Variants in HDX observed in about 807,000 individuals in gnomAD.
HDX encodes the protein highly divergent homeobox.
HDX carries 19 observed loss-of-function variants against 45.2 expected under a neutral mutation model. That is an observed-to-expected ratio of 0.42 (90% CI 0.29 to 0.62). The LOEUF is 0.62. Among genes scored for constraint, HDX ranks in the 20% least tolerant of loss-of-function variants. The pLI, the probability that HDX is intolerant of heterozygous loss-of-function variation, is 0.20. For synonymous variants in HDX, 188 were observed against 172.8 expected (o/e 1.09, Z -0.69); for missense variants, 532 against 493.9 (o/e 1.08, Z -0.73).
chrX:84,449,253 A>G (rs1319785392), intron 4 of HDX, among the ~76,000 whole-genome samples: 1 of 111,838 alleles, frequency 8.9e-6, no homozygotes. Context: ...TATTTAGTTA[A>G]ATAATGACTG....
intron 2 of HDX, among the ~76,000 whole-genome samples, chrX:84,476,777 G>A (rs189876694): frequency 6.1e-4 from 68 of 111,506 alleles, no homozygotes; most frequent in African/African-American, 2.1e-3. Flanking sequence ...CAGTCATCCA[G>A]TCATCCAGTG....
In HDX at chrX:84,361,461, C is replaced by T; in HGVS notation, c.1452+5G>A. 1 of 1,201,881 alleles carries T rather than the reference C, an allele frequency of 8.3e-7. No individual in the cohort carries two copies. The highest frequency in any genetic ancestry group is 1.1e-6 in the Non-Finnish European group (1 of 889,209). Reference sequence around the variant, plus strand: ...ATAGCATGAAAATTATAGAAAATGTCTTACCCGAACTATTTCACAGTCAAC... The same window carrying T: ...ATAGCATGAAAATTATAGAAAATGTTTTACCCGAACTATTTCACAGTCAAC... On this transcript the variant is annotated splice_donor_5th_base_variant and intron_variant, in intron 6 of 10. Coordinates refer to ENST00000373177, the MANE Select transcript of HDX (RefSeq NM_001177479.2).
At chrX:84,357,779 C>T (rs2037522103) in intron 6 of HDX, among the ~76,000 whole-genome samples, 1 of 112,264 alleles carries the variant, frequency 8.9e-6, no homozygotes, top group South Asian at 3.7e-4. Flanking sequence ...CATGGTTGCT[C>T]ACAGTAAAAT....
chrX:84,349,680 CTGTGTG>C (rs200711346), intron 6 of HDX, among the ~76,000 whole-genome samples: 68 of 79,045 alleles, frequency 8.6e-4, no homozygotes, highest in Middle Eastern at 7.5e-3. Flanking sequence ...AACCCTAGCC[CTGTGTG>C]TGTGTGTGTG....
chrX:84,359,359 C>T (rs1464273845), intron 6 of HDX, among the ~76,000 whole-genome samples: 1 of 108,994 alleles, frequency 9.2e-6, no homozygotes, highest in Non-Finnish European at 1.9e-5. Flanking sequence ...CACCCCCCAA[C>T]AGGCCCCAGT....
chrX:84,461,687 C>T (rs748774484), intron 4 of HDX, among the ~76,000 whole-genome samples: 1 of 111,325 alleles, frequency 9.0e-6, no homozygotes, highest in African/African-American at 3.3e-5. Context: ...AGTTAAAAAG[C>T]TTCTGCACAG....
intron 4 of HDX, among the ~76,000 whole-genome samples, chrX:84,461,810 A>AACTC (rs2148120876): frequency 8.9e-6 from 1 of 112,351 alleles, no homozygotes; most frequent in East Asian, 2.8e-4. Context: ...GAGCTCAAAC[A>AACTC]ACTCTATAAG....
intron 6 of HDX, among the ~76,000 whole-genome samples, chrX:84,359,024 C>A (rs2037554646): frequency 9.1e-6 from 1 of 110,368 alleles, no homozygotes. Flanking sequence ...GGAATCTTTA[C>A]ACCACGGAAA....
chrX:84,487,026 A>AT (rs1240118066), intron 2 of HDX, among the ~76,000 whole-genome samples: 2 of 110,921 alleles, frequency 1.8e-5, no homozygotes, highest in South Asian at 3.7e-4. Flanking sequence ...ATTTCTACAT[A>AT]TTTTTTTCCT....
intron 5 of HDX, among the ~76,000 whole-genome samples, chrX:84,366,962 C>G (rs923438059): frequency 2.7e-5 from 3 of 111,736 alleles, no homozygotes; most frequent in African/African-American, 9.8e-5. Context: ...GACTAAAACA[C>G]CAAAAGCAAT....
chrX:84,404,483 A>C (rs1274104103), intron 5 of HDX, among the ~76,000 whole-genome samples: 4 of 111,660 alleles, frequency 3.6e-5, no homozygotes, highest in Non-Finnish European at 7.5e-5. Context: ...TCTAAGGTTA[A>C]GAATACTGTA....
intron 5 of HDX, among the ~76,000 whole-genome samples, chrX:84,370,290 C>CA (rs759601916): frequency 3.6e-5 from 4 of 111,357 alleles, no homozygotes; most frequent in Non-Finnish European, 5.6e-5. Flanking sequence ...GGACTGAGAC[C>CA]AATACTACAT....
Position 84,333,810 on chromosome X carries a change from G to T in HDX, c.1773C>A (p.Asp591Glu). The T allele has an allele frequency of 1.0e-6, 1 of 965,482 alleles. No homozygotes were observed. The highest frequency in any genetic ancestry group is 1.5e-6 in the Non-Finnish European group (1 of 683,488). 79.6% of individuals were successfully genotyped at this position (965,482 alleles called of 1,213,427 possible). A position where few individuals can be genotyped will look rare whatever the true frequency, so the allele number is the denominator to read the frequency against. ...GTTCTACTTCAGAATTACTTATCAT[G>T]TCACTTTCTTCATCATCAATAATTT... is the stretch of plus-strand genomic sequence containing the variant. Reference protein sequence around the residue: ...KIEIIDDEESDMISNSEVEQV... With the variant: ...KIEIIDDEESEMISNSEVEQV... The change falls in exon 9 of 11, where the codon GAC (aspartate) becomes GAA (glutamate). Residue 591 changes from aspartate (D) to glutamate (E), a missense_variant. Around this residue, in one of 3 missense-constraint regions of HDX, gnomAD observed 151 missense variants for 131.8 expected, o/e 1.15. Transcript: ENST00000373177.
chrX:84,341,172 T>C (rs1228677348), intron 7 of HDX, among the ~76,000 whole-genome samples: 1 of 110,813 alleles, frequency 9.0e-6, no homozygotes, highest in African/African-American at 3.3e-5. Context: ...CCCACTCTCC[T>C]TCAGCTAGTC....
Position 84,321,954 on chromosome X carries a change from C to T in HDX, c.2008G>A (p.Glu670Lys), listed in dbSNP as rs749237127. 55 of 1,169,174 alleles carry T rather than the reference C, an allele frequency of 4.7e-5. No individual in the cohort carries two copies. The highest frequency in any genetic ancestry group is 6.4e-5 in the Non-Finnish European group (55 of 861,214). ...ACACTGAATGAGGTATCATCAGGCT[C>T]CAGTGAGGCATGATTGAAATCCATT... The part of the protein sequence containing the change: ...EEMDFNHASL[E>K]PDDTSFSVSS... Residue 670 changes from glutamate to lysine, a missense_variant, in exon 11 of 11, where the codon GAG becomes AAG. By Grantham distance (56) the Glu-to-Lys change is moderately conservative (BLOSUM62 1). This residue lies in a region of HDX where 151 missense variants were observed against 131.8 expected (regional missense o/e 1.15). Coordinates refer to ENST00000373177, the MANE Select transcript of HDX (RefSeq NM_001177479.2).
At chrX:84,474,475 AAACTT>A (rs1284033719) in intron 3 of HDX, among the ~76,000 whole-genome samples, 1 of 111,774 alleles carries the variant, frequency 8.9e-6, no homozygotes, top group East Asian at 2.8e-4. Context: ...AAAGCAAACT[AAACTT>A]AAGAACAGAC....
At chrX:84,450,903 A>C (rs1411363691) in intron 4 of HDX, among the ~76,000 whole-genome samples, 2 of 111,886 alleles carry the variant, frequency 1.8e-5, no homozygotes, top group Non-Finnish European at 3.8e-5. Flanking sequence ...AACTTTGGAA[A>C]ACTTACAAAT....
intron 5 of HDX, among the ~76,000 whole-genome samples, chrX:84,419,642 GTAGAACCCTGGGGCCTT>G (rs1317764010): frequency 6.2e-5 from 7 of 112,115 alleles, no homozygotes; most frequent in African/African-American, 2.3e-4. Context: ...CTGGCTGATT[GTAGAACCCTGGGGCCTT>G]TAGAAAACAT....
At chrX:84,326,801 A>AC (rs2036721002) in intron 9 of HDX, among the ~76,000 whole-genome samples, 1 of 110,147 alleles carries the variant, frequency 9.1e-6, no homozygotes, top group African/African-American at 3.3e-5. Flanking sequence ...AGTCCAAGCT[A>AC]CTTGGGAGGC....
Sources: gnomAD v4.1 joint callset for allele counts (sites outside exome capture counted in the v4.1 genomes callset) on GRCh38, gnomAD v4.1.1 for gene constraint, gnomAD v4.1.1 regional missense constraint, MANE v1.5 for transcripts, NCBI Gene and HGNC (gene_info 2026-07-23, HGNC 2026-07-21) for gene names.